DLG2: variants seen among roughly 807,000 people sequenced by gnomAD.
DLG2 encodes discs large MAGUK scaffold protein 2, also known as disks large homolog 2.
DLG2 carries 45 observed loss-of-function variants against 132.5 expected under a neutral mutation model. The observed-to-expected ratio is 0.34, with a 90% CI of 0.27 to 0.44. The LOEUF is 0.44. Ranked by LOEUF, DLG2 falls within the 20% of genes least tolerant of loss-of-function variation. The pLI, the probability that DLG2 is intolerant of heterozygous loss-of-function variation, is 1.00. For synonymous variants in DLG2, 424 were observed against 419.6 expected, an observed-to-expected ratio of 1.01 and a Z score of -0.13; for missense variants, 1,045 against 1,196.9, an observed-to-expected ratio of 0.87 and a Z score of 1.87.
intron 3 of DLG2, among the ~76,000 whole-genome samples, chr11:85,398,390 C>T (rs1330989518): frequency 6.6e-6 from 1 of 152,002 alleles, no homozygotes; most frequent in Non-Finnish European, 1.5e-5. Flanking sequence ...GGAGCAAACA[C>T]ATTCAAAAGC....
At chr11:83,965,711 T>A (rs1235420135) in intron 12 of DLG2, among the ~76,000 whole-genome samples, 2 of 151,986 alleles carry the variant, frequency 1.3e-5, no homozygotes, top group Non-Finnish European at 2.9e-5. Flanking sequence ...CAGAATAGTA[T>A]TTGTGGGAAG....
chr11:85,628,218 T>C (rs1250803237), upstream of DLG2, among the ~76,000 whole-genome samples: 1 of 151,558 alleles, frequency 6.6e-6, no homozygotes, highest in Non-Finnish European at 1.5e-5. Context: ...AAGGGGCGAG[T>C]TCCCTCAAGG....
intron 15 of DLG2, among the ~76,000 whole-genome samples, chr11:83,926,794 A>G (rs1357360129): frequency 6.6e-6 from 1 of 152,124 alleles, no homozygotes; most frequent in Non-Finnish European, 1.5e-5. Context: ...AGAGAACAGC[A>G]CACAGGTGAT....
At chr11:85,039,488 A>G (rs188855370) in intron 6 of DLG2, among the ~76,000 whole-genome samples, 135 of 152,086 alleles carry the variant, frequency 8.9e-4, no homozygotes, top group African/African-American at 2.2e-3. Context: ...TAAGTAGGTT[A>G]CTTGGCATTT....
chr11:84,967,369 T>A (rs2053493110), intron 6 of DLG2, among the ~76,000 whole-genome samples: 1 of 152,086 alleles, frequency 6.6e-6, no homozygotes, highest in Non-Finnish European at 1.5e-5. Flanking sequence ...TCAAAAAGGC[T>A]GCCAAGGTAG....
At chr11:84,445,748 C>G (rs2099031985) in intron 7 of DLG2, among the ~76,000 whole-genome samples, 1 of 151,738 alleles carries the variant, frequency 6.6e-6, no homozygotes, top group South Asian at 2.1e-4. Flanking sequence ...AACCCCGTCT[C>G]TACTAAAAAT....
At chr11:83,849,775 G>A (rs1219540309) in intron 16 of DLG2, among the ~76,000 whole-genome samples, 6 of 108,050 alleles carry the variant, frequency 5.6e-5, no homozygotes. Context: ...TAAAAAAAAA[G>A]CATAAAATAT....
intron 3 of DLG2, among the ~76,000 whole-genome samples, chr11:85,353,945 A>T (rs2083490985): frequency 6.6e-6 from 1 of 152,050 alleles, no homozygotes; most frequent in Admixed American, 6.6e-5. Context: ...TGTGTAACAA[A>T]TCTGCACGTC....
At chr11:83,651,486 C>T (rs1175801372) in intron 18 of DLG2, 1 of 164,764 alleles carries the variant, frequency 6.1e-6, no homozygotes, top group East Asian at 1.6e-4. Context: ...TAGTTTGCAA[C>T]AAACTTATTC....
At chr11:84,989,218 C>G (rs1298709299) in intron 6 of DLG2, among the ~76,000 whole-genome samples, 1 of 152,078 alleles carries the variant, frequency 6.6e-6, no homozygotes, top group Non-Finnish European at 1.5e-5. Context: ...CTCTTTTGCC[C>G]AAGCTGGAGT....
At chr11:85,401,881 G>A (rs2088158805) in intron 3 of DLG2, among the ~76,000 whole-genome samples, 1 of 152,078 alleles carries the variant, frequency 6.6e-6, no homozygotes, top group Non-Finnish European at 1.5e-5. Context: ...CTCATGGATA[G>A]GAAGAATCAA....
chr11:83,898,891 C>A (rs1166896161), intron 15 of DLG2, among the ~76,000 whole-genome samples: 2 of 152,112 alleles, frequency 1.3e-5, no homozygotes, highest in Non-Finnish European at 2.9e-5. Context: ...AAAAATATGA[C>A]TATAGCATAA....
At chr11:85,376,093 CCAGA>C (rs2085380902) in intron 3 of DLG2, among the ~76,000 whole-genome samples, 1 of 152,236 alleles carries the variant, frequency 6.6e-6, no homozygotes, top group Non-Finnish European at 1.5e-5. Context: ...AGGCACTATA[CCAGA>C]CAGTCTACGA....
intron 7 of DLG2, among the ~76,000 whole-genome samples, chr11:84,406,232 C>T (rs2098848591): frequency 6.6e-6 from 1 of 152,106 alleles, no homozygotes; most frequent in South Asian, 2.1e-4. Flanking sequence ...AAACACAGGT[C>T]TCTCTTCTCT....
chr11:85,268,007 T>A (rs1460232555), intron 4 of DLG2, among the ~76,000 whole-genome samples: 1 of 152,170 alleles, frequency 6.6e-6, no homozygotes, highest in African/African-American at 2.4e-5. Flanking sequence ...TCCCTGTATT[T>A]AATTACTTTC....
intron 6 of DLG2, among the ~76,000 whole-genome samples, chr11:84,941,868 C>A (rs188335977): frequency 7.9e-4 from 120 of 152,154 alleles, no homozygotes; most frequent in Admixed American, 1.6e-3. Flanking sequence ...GAAGACATCA[C>A]GTCCTGGGCT....
At chr11:84,001,728 T>C (rs552653403) in intron 11 of DLG2, among the ~76,000 whole-genome samples, 1 of 152,134 alleles carries the variant, frequency 6.6e-6, no homozygotes, top group East Asian at 1.9e-4. Context: ...AAAATCAAAA[T>C]CTTATTGAGT....
At chr11:85,371,735 T>C (rs561924495) in intron 3 of DLG2, among the ~76,000 whole-genome samples, 1 of 152,278 alleles carries the variant, frequency 6.6e-6, no homozygotes, top group South Asian at 2.1e-4. Flanking sequence ...CTTGGGACCT[T>C]TGGAGAGGAT....
At chr11:83,553,826 A>G (rs114211553) in intron 19 of DLG2, among the ~76,000 whole-genome samples, 21 of 151,850 alleles carry the variant, frequency 1.4e-4, no homozygotes, top group African/African-American at 4.8e-4. Context: ...TTATGTTTAT[A>G]CTTTTAGTAT....
Sources: gnomAD v4.1 joint callset for allele counts (sites outside exome capture counted in the v4.1 genomes callset) on GRCh38, gnomAD v4.1.1 for gene constraint, MANE v1.5 for transcripts, NCBI Gene and HGNC (gene_info 2026-07-23, HGNC 2026-07-21) for gene names.